Variants in SLIT1 observed in about 807,000 individuals in gnomAD.
SLIT1 encodes the protein slit homolog 1 protein.
A neutral mutation model predicts 186.1 loss-of-function variants in SLIT1; 66 were observed. The ratio of observed to expected loss-of-function variants is 0.35; its 90% CI spans 0.29 to 0.44. The LOEUF is 0.44. Ranked by LOEUF, SLIT1 falls within the 20% of genes least tolerant of loss-of-function variation. The pLI, the probability that SLIT1 is intolerant of heterozygous loss-of-function variation, is 1.00. For missense variants in SLIT1, 1,638 were observed against 2,037.4 expected (o/e 0.80, Z 3.77); for synonymous variants, 761 against 833.8 (o/e 0.91, Z 1.50).
intron 4 of SLIT1, among the ~76,000 whole-genome samples, chr10:97,110,295 C>A (rs763880752): frequency 6.6e-6 from 1 of 152,170 alleles, no homozygotes; most frequent in Non-Finnish European, 1.5e-5. Context: ...AGTTGATGCA[C>A]GTGCCCATGA....
intron 4 of SLIT1, among the ~76,000 whole-genome samples, chr10:97,089,413 C>G (rs559011593): frequency 1.5e-4 from 23 of 152,262 alleles, no homozygotes; most frequent in African/African-American, 5.5e-4. Context: ...AAGAACGCAG[C>G]GTGGGGCTGC....
intron 21 of SLIT1, among the ~76,000 whole-genome samples, chr10:97,039,204 T>G (rs1253881829): frequency 1.3e-5 from 2 of 152,072 alleles, no homozygotes; most frequent in Non-Finnish European, 2.9e-5. Flanking sequence ...CCTGGAGGGA[T>G]CAACCCCAGA....
intron 4 of SLIT1, among the ~76,000 whole-genome samples, chr10:97,112,079 C>T (rs1277570140): frequency 6.6e-6 from 1 of 152,174 alleles, no homozygotes; most frequent in Non-Finnish European, 1.5e-5. Flanking sequence ...AAACTTATCA[C>T]GTTCCCTTCG....
intron 4 of SLIT1, among the ~76,000 whole-genome samples, chr10:97,131,793 T>C (rs1849656771): frequency 6.6e-6 from 1 of 152,222 alleles, no homozygotes; most frequent in Non-Finnish European, 1.5e-5. Flanking sequence ...ACATGCCAAG[T>C]TTCAGGCACC....
At chr10:97,015,553 G>A (rs752687175) in intron 28 of SLIT1, among the ~76,000 whole-genome samples, 12 of 152,118 alleles carry the variant, frequency 7.9e-5, no homozygotes, top group Non-Finnish European at 1.5e-4. Flanking sequence ...AAACAAAACA[G>A]GAAAAGATCA....
At chr10:97,044,579 T>C (rs139572590) in intron 18 of SLIT1, among the ~76,000 whole-genome samples, 49 of 152,264 alleles carry the variant, frequency 3.2e-4, no homozygotes, top group African/African-American at 9.6e-4. Context: ...GCAATATTGA[T>C]TTTTTGCCTG....
intron 4 of SLIT1, among the ~76,000 whole-genome samples, chr10:97,079,630 G>A (rs1055116358): frequency 2.2e-4 from 34 of 152,342 alleles, no homozygotes; most frequent in African/African-American, 7.9e-4. Flanking sequence ...CCCAGGCTGA[G>A]AGGAAACTGC....
chr10:97,033,682 T>C (rs886543593), intron 23 of SLIT1, among the ~76,000 whole-genome samples: 12 of 152,122 alleles, frequency 7.9e-5, no homozygotes, highest in Non-Finnish European at 1.3e-4. Flanking sequence ...TGATTCCACT[T>C]GAACAAAGTG....
intron 4 of SLIT1, among the ~76,000 whole-genome samples, chr10:97,115,941 C>T (rs1435665875): frequency 6.6e-6 from 1 of 152,168 alleles, no homozygotes; most frequent in Non-Finnish European, 1.5e-5. Context: ...GTGCTCTGTC[C>T]TTGATGGGCA....
At chr10:97,073,453 G>C (rs1849018165) in intron 4 of SLIT1, among the ~76,000 whole-genome samples, 1 of 152,202 alleles carries the variant, frequency 6.6e-6, no homozygotes, top group Non-Finnish European at 1.5e-5. Context: ...GCCAAGCCCA[G>C]GGCAGCCAGG....
At chr10:97,023,767 A>AC (rs1848521153) in intron 25 of SLIT1, among the ~76,000 whole-genome samples, 1 of 152,106 alleles carries the variant, frequency 6.6e-6, no homozygotes, top group East Asian at 1.9e-4. Context: ...AAATGGTGAA[A>AC]CCCCATCTCT....
chr10:97,144,571 G>A (rs1483875260), intron 4 of SLIT1, among the ~76,000 whole-genome samples: 3 of 152,142 alleles, frequency 2.0e-5, no homozygotes, highest in African/African-American at 7.2e-5. Context: ...AGATGCAAAG[G>A]GGAGCTCTGT....
At chr10:97,024,486 C>T (rs1273537817) in intron 25 of SLIT1, among the ~76,000 whole-genome samples, 5 of 152,316 alleles carry the variant, frequency 3.3e-5, no homozygotes, top group Non-Finnish European at 7.3e-5. Flanking sequence ...AGAGCAGGTT[C>T]GACCTCGGCA....
intron 4 of SLIT1, among the ~76,000 whole-genome samples, chr10:97,119,606 G>A (rs1849540447): frequency 6.6e-6 from 1 of 151,948 alleles, no homozygotes. Flanking sequence ...GGTCTGGGAG[G>A]ACTCAGGAGA....
chr10:97,014,028 G>T lies in SLIT1; in HGVS notation c.3100C>A (p.Gln1034Lys), dbSNP rs755867095. Reference sequence around the variant, plus strand: ...GCCCTGACGCACTTACCCTCATACTGCAGGGGGCACTGGCAGGTGTAGTTG... The same window carrying T: ...GCCCTGACGCACTTACCCTCATACTTCAGGGGGCACTGGCAGGTGTAGTTG... ...VGNYTCQCPL[Q>K]YEGKACEQLV... Residue 1034 changes from glutamine to lysine, a missense_variant, in exon 29 of 37, where the codon CAG becomes AAG. Around this residue, in one of 3 missense-constraint regions of SLIT1, gnomAD observed 1,245 missense variants for 1,535.3 expected, o/e 0.81. Coordinates refer to ENST00000266058, the MANE Select transcript of SLIT1 (RefSeq NM_003061.3). The T allele has an allele frequency of 3.8e-5, 62 of 1,613,412 alleles. No individual in the cohort carries two copies. The highest frequency in any genetic ancestry group is 5.1e-5 in the Non-Finnish European group (60 of 1,180,018).
intron 4 of SLIT1, among the ~76,000 whole-genome samples, chr10:97,155,631 A>G (rs2134717532): frequency 6.6e-6 from 1 of 152,326 alleles, no homozygotes; most frequent in Admixed American, 6.5e-5. Context: ...CCAGAGCTTG[A>G]CGGCAACTGT....
chr10:97,001,217 G>A lies in SLIT1; in HGVS notation c.4500C>T (p.Gly1500=), dbSNP rs775754492. The A allele has an allele frequency of 1.4e-5, 23 of 1,613,078 alleles. No homozygotes were observed. Among genetic ancestry groups the A allele is most frequent in the Non-Finnish European group, 1.9e-5 (22 of 1,179,924 alleles). ...TGAACTTCCTCCGCTTCAGCCGAAG[G>A]CCCTGGCAGCAGCCCTGGCCTGGGC... ...GSCPGQGCCQ[G]LRLKRRKFTF... The change falls in exon 37 of 37, where the codon GGC becomes GGT. Residue 1500 remains glycine (G), a synonymous_variant. Transcript: ENST00000266058.
At chr10:97,118,094 C>T (rs549120169) in intron 4 of SLIT1, among the ~76,000 whole-genome samples, 5 of 111,458 alleles carry the variant, frequency 4.5e-5, no homozygotes, top group Non-Finnish European at 6.9e-5. Flanking sequence ...TAAATTGAGA[C>T]GTTCTGAGGT....
chr10:97,175,322 T>G (rs1165223147), intron 1 of SLIT1, among the ~76,000 whole-genome samples: 1 of 152,206 alleles, frequency 6.6e-6, no homozygotes, highest in East Asian at 1.9e-4. Context: ...GCTTCCACAT[T>G]TTAGCTATTG....
Sources: gnomAD v4.1 joint callset for allele counts (sites outside exome capture counted in the v4.1 genomes callset) on GRCh38, gnomAD v4.1.1 for gene constraint, gnomAD v4.1.1 regional missense constraint, MANE v1.5 for transcripts, NCBI Gene and HGNC (gene_info 2026-07-23, HGNC 2026-07-21) for gene names.